The following ADGRF1 variants were observed in gnomAD, a reference collection of about 807,000 sequenced individuals.
The protein encoded by ADGRF1 is adhesion G protein-coupled receptor F1.
ADGRF1 carries 85 observed loss-of-function variants against 87.2 expected under a neutral mutation model. The ratio of observed to expected loss-of-function variants is 0.97; its 90% CI spans 0.82 to 1.17. The LOEUF (loss-of-function observed/expected upper bound fraction) is 1.17. ADGRF1 is among the 50% of genes most tolerant of loss of function. ADGRF1 has a pLI of 0.00. For missense variants in ADGRF1, 1,169 were observed against 1,077.2 expected (o/e 1.09, Z -1.19); for synonymous variants, 430 against 408.8 (o/e 1.05, Z -0.63).
chr6:47,003,321 T>C (rs779037985), intron 13 of ADGRF1, among the ~76,000 whole-genome samples: 5 of 152,166 alleles, frequency 3.3e-5, no homozygotes, highest in Admixed American at 6.5e-5. Context: ...AATCAAAGTA[T>C]TTTACCACAA....
chr6:47,020,276 T>C (rs952197054), intron 7 of ADGRF1: 48 of 1,192,392 alleles, frequency 4.0e-5, no homozygotes, highest in Non-Finnish European at 5.0e-5. Context: ...GCGGATCACC[T>C]GAGGTCAGGA....
intron 9 of ADGRF1, 117 bp from the exon 10 acceptor site, chr6:47,012,312 A>T (rs1779732682): frequency 2.0e-6 from 3 of 1,468,282 alleles, no homozygotes; most frequent in Non-Finnish European, 2.7e-6. Context: ...CTAATGTAGG[A>T]TAATTACATA....
intron 8 of ADGRF1, among the ~76,000 whole-genome samples, chr6:47,016,204 G>T (rs1207350510): frequency 6.6e-6 from 1 of 151,510 alleles, no homozygotes; most frequent in Non-Finnish European, 1.5e-5. Context: ...AATATCTGAA[G>T]AAAAACAGTT....
At chr6:47,039,727 C>G (rs1171415443) in intron 1 of ADGRF1, among the ~76,000 whole-genome samples, 1 of 152,052 alleles carries the variant, frequency 6.6e-6, no homozygotes, top group African/African-American at 2.4e-5. Flanking sequence ...TTTGGGAGAC[C>G]AAGGCCGGTG....
chr6:47,013,106 C>G, intron 9 of ADGRF1: 1 of 985,378 alleles, frequency 1.0e-6, no homozygotes, highest in Non-Finnish European at 1.2e-6. Flanking sequence ...CTTGAGGCTC[C>G]CATCTACTTT....
chr6:47,037,415 C>T (rs1026739666), intron 1 of ADGRF1, among the ~76,000 whole-genome samples: 1 of 152,102 alleles, frequency 6.6e-6, no homozygotes. Context: ...ATCTTTAAAA[C>T]TTTTGCCTTA....
intron 7 of ADGRF1, chr6:47,019,880 A>G (rs2113892518): frequency 1.0e-6 from 1 of 985,086 alleles, no homozygotes; most frequent in Non-Finnish European, 1.2e-6. Context: ...GGCATAAACA[A>G]AAGGATAATT....
At position 47,024,067 on chromosome 6, in the gene ADGRF1, CT is replaced by C; in HGVS notation, c.427del (p.Ser143ValfsTer25). On this transcript the variant is annotated frameshift_variant, in exon 5 of 15. Coordinates refer to ENST00000371253, the MANE Select transcript of ADGRF1 (RefSeq NM_153840.4). LOFTEE classifies it high-confidence loss of function. ...CECHLNNLSQ[S>X]VNFCERTKIW... Reference sequence around the variant, plus strand: ...ACTTGTTCTCTCACAGAAATTGACACTCTGGCTGAGGTTGTTGAGATGACAT... The same window carrying C: ...ACTTGTTCTCTCACAGAAATTGACACCTGGCTGAGGTTGTTGAGATGACAT... The C allele has an allele frequency of 1.2e-6, 2 of 1,613,922 alleles. No homozygotes were observed. The highest frequency in any genetic ancestry group is 1.7e-6 in the Non-Finnish European group (2 of 1,179,912).
intron 1 of ADGRF1, among the ~76,000 whole-genome samples, chr6:47,033,233 C>T (rs571077213): frequency 2.0e-5 from 3 of 152,330 alleles, no homozygotes; most frequent in South Asian, 2.1e-4. Context: ...GGGACGCCCC[C>T]TCCGCACTTC....
intron 14 of ADGRF1, 126 bp downstream of exon 14, chr6:47,001,375 T>C: frequency 2.7e-6 from 2 of 733,130 alleles, no homozygotes; most frequent in South Asian, 1.9e-5. Context: ...TCTGAAAACA[T>C]GGCTGGCTGA....
chr6:47,012,778 T>C (rs7452821), intron 9 of ADGRF1: 1 of 985,458 alleles, frequency 1.0e-6, no homozygotes, highest in Non-Finnish European at 1.2e-6. Context: ...TTGTTTTTTT[T>C]ATTTTTTTCG....
intron 3 of ADGRF1, among the ~76,000 whole-genome samples, chr6:47,026,355 C>T: frequency 6.6e-6 from 1 of 152,036 alleles, no homozygotes; most frequent in East Asian, 1.9e-4. Flanking sequence ...GTGAGGAAAT[C>T]CAAGTCAACC....
In ADGRF1 at chr6:47,016,694, T is replaced by G. The variant is rs768206344; in HGVS notation, c.686A>C (p.His229Pro). Residue 229 changes from histidine (H) to proline (P), a missense_variant, in exon 8 of 15, where the codon CAT becomes CCT. By Grantham distance (77) the His-to-Pro change is moderately conservative. Transcript: ENST00000371253. ...SASELLSAIE[H>P]VAEKAKTALH... Reference sequence around the variant, plus strand: ...GGCTGTCTTAGCCTTCTCGGCAACATGTTCAATGGCTGACAGCAGTTCAGA... The same window carrying G: ...GGCTGTCTTAGCCTTCTCGGCAACAGGTTCAATGGCTGACAGCAGTTCAGA... 1.9e-6 allele frequency: 3 copies of G among 1,612,794 alleles called. No homozygotes were observed. The highest frequency in any genetic ancestry group is 2.5e-6 in the Non-Finnish European group (3 of 1,178,946).
At chr6:47,029,236 CG>C in intron 1 of ADGRF1, 132 bp from the exon 2 acceptor site, 1 of 593,758 alleles carries the variant, frequency 1.7e-6, no homozygotes, top group East Asian at 2.8e-5. Context: ...TTCCACTCCA[CG>C]GAACCTGTGA....
chr6:47,027,765 T>C lies in ADGRF1; in HGVS notation c.70-4A>G, dbSNP rs76755338. The C allele has an allele frequency of 0.037, 56,197 of 1,521,166 alleles. 1,328 individuals carry two copies. The highest frequency in any genetic ancestry group is 0.094 in the Middle Eastern group (548 of 5,846). The allele number at this position is 1,521,166 out of a possible 1,614,324, so 94.2% of individuals were successfully genotyped here. Reference sequence around the variant, plus strand: ...TTGTTTTGATGCCATCATTTTTCTGTTAAAAAGAAAAAAAATAGTTACGGT... The same window carrying C: ...TTGTTTTGATGCCATCATTTTTCTGCTAAAAAGAAAAAAAATAGTTACGGT... On this transcript the variant is annotated splice_polypyrimidine_tract_variant and splice_region_variant and intron_variant, in intron 2 of 14. Coordinates refer to ENST00000371253, the MANE Select transcript of ADGRF1 (RefSeq NM_153840.4).
Position 47,009,126 on chromosome 6 carries a change from C to T in ADGRF1, c.2309G>A (p.Trp770Ter). The T allele has an allele frequency of 6.2e-7, 1 of 1,614,114 alleles. No homozygotes were observed. The highest frequency in any genetic ancestry group is 8.5e-7 in the Non-Finnish European group (1 of 1,180,014). The change falls in exon 11 of 15, where the codon TGG (tryptophan) becomes TAG (stop). Residue 770 changes from tryptophan (W) to a stop codon, truncating the protein, a stop_gained. Coordinates refer to ENST00000371253, the MANE Select transcript of ADGRF1 (RefSeq NM_153840.4). LOFTEE classifies it high-confidence loss of function. Reference protein sequence around the residue: ...VVVLLVLTKLWRPTVGERLSR... With the variant: ...VVVLLVLTKL ...CAGTCTTTCCCCAACAGTCGGCCTC[C>T]AGAGCTTTGTGAGAACTAGCAGCAC...
At chr6:47,023,428 C>T (rs373222141) in intron 5 of ADGRF1, among the ~76,000 whole-genome samples, 105 of 152,338 alleles carry the variant, frequency 6.9e-4, no homozygotes, top group African/African-American at 2.3e-3. Flanking sequence ...GTAATCATTG[C>T]AGGAGCTTAG....
At chr6:47,030,480 GC>G (rs1335557845) in intron 1 of ADGRF1, among the ~76,000 whole-genome samples, 1 of 151,660 alleles carries the variant, frequency 6.6e-6, no homozygotes, top group Non-Finnish European at 1.5e-5. Context: ...TGCGCTTTCT[GC>G]TTTCTAAAAG....
chr6:47,011,117 G>A (rs1461883160), intron 10 of ADGRF1, among the ~76,000 whole-genome samples: 2 of 152,036 alleles, frequency 1.3e-5, no homozygotes, highest in South Asian at 2.1e-4. Flanking sequence ...CTTTGTGTTT[G>A]CCTGCTTTGT....
Sources: allele counts gnomAD v4.1 joint callset (sites outside exome capture counted in the v4.1 genomes callset), GRCh38; gene constraint gnomAD v4.1.1; transcripts MANE v1.5; gene names NCBI Gene and HGNC (gene_info 2026-07-23, HGNC 2026-07-21).